Variants in KIAA0825 observed in about 807,000 individuals in gnomAD.
The protein encoded by KIAA0825 is uncharacterized protein KIAA0825.
In KIAA0825, 119 loss-of-function variants were observed where a neutral mutation model predicts 147.6. That is an observed-to-expected ratio of 0.81 (90% CI 0.69 to 0.94). The LOEUF (loss-of-function observed/expected upper bound fraction) is 0.94. Ranked by LOEUF, KIAA0825 falls within the 40% of genes least tolerant of loss-of-function variation. The pLI is 0.00. For missense variants in KIAA0825, 1,381 were observed against 1,472.7 expected (o/e 0.94, Z 1.02); for synonymous variants, 470 against 518.1 (o/e 0.91, Z 1.26).
At chr5:94,189,534 T>C (rs1217984879) in intron 20 of KIAA0825, among the ~76,000 whole-genome samples, 6 of 152,158 alleles carry the variant, frequency 3.9e-5, no homozygotes, top group African/African-American at 9.7e-5. Flanking sequence ...AGACTGTTTT[T>C]TTCCTCCATT....
At chr5:94,587,619 C>T (rs954577833) in intron 1 of KIAA0825, among the ~76,000 whole-genome samples, 44 of 152,114 alleles carry the variant, frequency 2.9e-4, no homozygotes, top group African/African-American at 9.7e-4. Context: ...GGCCATACTC[C>T]CTAAGGTAAT....
intron 20 of KIAA0825, among the ~76,000 whole-genome samples, chr5:94,342,446 G>A (rs1782522546): frequency 1.3e-5 from 2 of 152,158 alleles, no homozygotes; most frequent in Non-Finnish European, 2.9e-5. Context: ...TTGGAAGTCA[G>A]TATCAAAATA....
chr5:94,462,012 A>G (rs778292227), intron 12 of KIAA0825, among the ~76,000 whole-genome samples: 9 of 151,968 alleles, frequency 5.9e-5, no homozygotes, highest in Non-Finnish European at 1.3e-4. Flanking sequence ...TAGTTGAGGT[A>G]TATCTCAAAT....
intron 13 of KIAA0825, among the ~76,000 whole-genome samples, chr5:94,444,187 G>A (rs1485537103): frequency 6.6e-6 from 1 of 152,176 alleles, no homozygotes; most frequent in Admixed American, 6.6e-5. Context: ...CTCTGGAGGA[G>A]CAGAGGTTCT....
At chr5:94,394,479 G>A (rs29922) in intron 17 of KIAA0825, among the ~76,000 whole-genome samples, 16,741 of 152,090 alleles carry the variant, frequency 0.11, 1,179 homozygotes, top group South Asian at 0.18. Context: ...ACAACTCCCC[G>A]TATAGGAGAT....
rs1179311015 is a variant in KIAA0825, at chr5:94,152,821, GAAAAAAAAAAAAAAAA to G, written c.*1170_*1185del. ...CAGAGCAAGACCCTGTTTCTAAAAT[GAAAAAAAAAAAAAAAA>G]AAAAAAAAAAAAAAAAAATTATATA... is the stretch of plus-strand genomic sequence containing the variant. On this transcript the variant is annotated 3_prime_UTR_variant, in exon 21 of 21. Transcript: ENST00000682413. 0.019 allele frequency: 37 copies of G among 1,990 alleles called. No homozygotes were observed. The highest frequency in any genetic ancestry group is 0.033 in the Admixed American group (2 of 60). 0.1% of individuals were successfully genotyped at this position (1,990 alleles called of 1,614,324 possible).
At chr5:94,569,565 C>T (rs189559517) in intron 2 of KIAA0825, 18 of 405,264 alleles carry the variant, frequency 4.4e-5, no homozygotes, top group Middle Eastern at 6.5e-4. Flanking sequence ...AAAACCAACT[C>T]GTTAATAAAA....
At chr5:94,572,151 CTA>C (rs1780096944) in intron 2 of KIAA0825, among the ~76,000 whole-genome samples, 1 of 151,390 alleles carries the variant, frequency 6.6e-6, no homozygotes, top group African/African-American at 2.4e-5. Flanking sequence ...TATATTCACT[CTA>C]TGGCAAGAGT....
chr5:94,423,068 C>G (rs1407883066), intron 14 of KIAA0825, among the ~76,000 whole-genome samples: 2 of 152,186 alleles, frequency 1.3e-5, no homozygotes, highest in Non-Finnish European at 2.9e-5. Flanking sequence ...GGGTTGCATT[C>G]TGGCCTGATC....
At chr5:94,587,779 T>C (rs1287681225) in intron 1 of KIAA0825, among the ~76,000 whole-genome samples, 1 of 152,208 alleles carries the variant, frequency 6.6e-6, no homozygotes, top group Non-Finnish European at 1.5e-5. Context: ...GGCATCATGC[T>C]ACCTGACTTC....
intron 16 of KIAA0825, among the ~76,000 whole-genome samples, chr5:94,399,853 G>GA (rs2150601628): frequency 6.6e-6 from 1 of 152,132 alleles, no homozygotes; most frequent in African/African-American, 2.4e-5. Context: ...AGGAGGTAAA[G>GA]AAAATGTCAA....
intron 20 of KIAA0825, among the ~76,000 whole-genome samples, chr5:94,179,007 T>C (rs1023935554): frequency 3.3e-5 from 5 of 152,128 alleles, no homozygotes; most frequent in African/African-American, 1.2e-4. Flanking sequence ...TACATTTTTC[T>C]AAGTGAAAGA....
rs144945540 is a variant in KIAA0825, at chr5:94,304,031, A to T, written c.3710+80337T>A. 7.5e-3 allele frequency among the ~76,000 whole-genome samples: 1,146 copies of T among 152,238 alleles called. 9 individuals carry two copies. The highest frequency in any genetic ancestry group is 0.01 in the Non-Finnish European group (695 of 68,000). ...AGAAGACAGGACTCAGAAGATGCAC[A>T]TCTGTTTGGCCCAGAAAACTTTCAA... is the stretch of plus-strand genomic sequence containing the variant. On this transcript the variant is annotated intron_variant, in intron 20 of 20. Transcript: ENST00000682413.
At chr5:94,482,222 C>T (rs1309640109) in intron 6 of KIAA0825, among the ~76,000 whole-genome samples, 1 of 151,984 alleles carries the variant, frequency 6.6e-6, no homozygotes, top group Non-Finnish European at 1.5e-5. Context: ...GCCAATTTGG[C>T]TAAGTCTACA....
chr5:94,300,424 T>G (rs1405421143), intron 20 of KIAA0825, among the ~76,000 whole-genome samples: 2 of 152,148 alleles, frequency 1.3e-5, no homozygotes, highest in Non-Finnish European at 2.9e-5. Context: ...GAATTAAATT[T>G]ACTTAATATC....
chr5:94,545,088 C>T (rs748020099), intron 2 of KIAA0825, among the ~76,000 whole-genome samples: 11 of 152,116 alleles, frequency 7.2e-5, no homozygotes, highest in Admixed American at 3.9e-4. Flanking sequence ...CACTGAACTC[C>T]GTGCTGCCCT....
chr5:94,608,085 T>C (rs542096386), intron 1 of KIAA0825, among the ~76,000 whole-genome samples: 4 of 152,002 alleles, frequency 2.6e-5, no homozygotes, highest in Admixed American at 6.6e-5. Context: ...CCCTTGGCCA[T>C]GTAACATAAC....
Position 94,581,563 on chromosome 5 carries a change from T to TC in KIAA0825, c.-2+869_-2+870insG, listed in dbSNP as rs1244773882. On this transcript the variant is annotated intron_variant, in intron 2 of 20. Transcript: ENST00000682413. Reference sequence around the variant, plus strand: ...CAAATCAGTCTGTTATACTCCTAATTTAAAAAACAGTTCTAATGTGAAATC... The same window carrying TC: ...CAAATCAGTCTGTTATACTCCTAATTCTAAAAAACAGTTCTAATGTGAAATC... Among the ~76,000 whole-genome samples the TC allele has an allele frequency of 3.3e-5, 5 of 152,296 alleles. No homozygotes were observed. In the East Asian group the frequency reaches 9.6e-4, roughly 29 times the overall value.
At chr5:94,482,794 T>C (rs1022945679) in intron 6 of KIAA0825, among the ~76,000 whole-genome samples, 3 of 152,028 alleles carry the variant, frequency 2.0e-5, no homozygotes, top group Non-Finnish European at 4.4e-5. Context: ...AGACTACATA[T>C]ATCACAAGGA....
Sources: gnomAD v4.1 joint callset for allele counts (sites outside exome capture counted in the v4.1 genomes callset) on GRCh38, gnomAD v4.1.1 for gene constraint, MANE v1.5 for transcripts, NCBI Gene and HGNC (gene_info 2026-07-23, HGNC 2026-07-21) for gene names.